AGBL4: variants seen among roughly 807,000 people sequenced by gnomAD.
AGBL4 encodes cytosolic carboxypeptidase 6.
In AGBL4, 58 loss-of-function variants were observed where a neutral mutation model predicts 66.4. That is an observed-to-expected ratio of 0.87 (90% CI 0.71 to 1.09). The LOEUF (loss-of-function observed/expected upper bound fraction) is 1.09, where lower values mean the gene tolerates loss of function less well. Ranked by LOEUF, AGBL4 falls within the 50% of genes least tolerant of loss-of-function variation. The pLI is 0.00. For missense variants in AGBL4, 579 were observed against 631.0 expected (o/e 0.92, Z 0.88); for synonymous variants, 234 against 222.9 (o/e 1.05, Z -0.44).
rs528149636 is a variant in AGBL4, at chr1:48,843,066, G to A, written c.634+24125C>T. ...GTTTAATGAGTGTATGTAGAATTTC[G>A]ATTTTGCAAGGTGAAAAATTCTGAC... On this transcript the variant is annotated intron_variant, in intron 6 of 13. Coordinates refer to ENST00000371839, the MANE Select transcript of AGBL4 (RefSeq NM_032785.4). Among the ~76,000 whole-genome samples, 10 of 152,136 alleles carry A rather than the reference G, an allele frequency of 6.6e-5. No individual in the cohort carries two copies. In the South Asian group the frequency reaches 8.3e-4, roughly 13 times the overall value.
At chr1:49,689,873 C>T (rs1341236904) in intron 3 of AGBL4, among the ~76,000 whole-genome samples, 2 of 152,106 alleles carry the variant, frequency 1.3e-5, no homozygotes, top group Admixed American at 1.3e-4. Flanking sequence ...AGGACTGACT[C>T]CAATTTTGAA....
intron 5 of AGBL4, among the ~76,000 whole-genome samples, chr1:48,995,676 A>G (rs1166508096): frequency 6.6e-6 from 1 of 152,214 alleles, no homozygotes; most frequent in Non-Finnish European, 1.5e-5. Flanking sequence ...AAACTTTCCT[A>G]TGGGAAGAGT....
At chr1:48,619,737 T>C (rs1393775251) in intron 9 of AGBL4, among the ~76,000 whole-genome samples, 4 of 152,162 alleles carry the variant, frequency 2.6e-5, no homozygotes, top group Non-Finnish European at 4.4e-5. Flanking sequence ...TCTGCATAGG[T>C]GGTGCCAGGA....
intron 3 of AGBL4, among the ~76,000 whole-genome samples, chr1:49,648,435 C>G (rs140694696): frequency 7.5e-4 from 114 of 151,246 alleles, no homozygotes; most frequent in African/African-American, 2.7e-3. Flanking sequence ...CAGAATGGAA[C>G]AGAAGAAATA....
At chr1:49,417,375 A>G (rs947789923) in intron 3 of AGBL4, among the ~76,000 whole-genome samples, 10 of 152,174 alleles carry the variant, frequency 6.6e-5, no homozygotes, top group African/African-American at 2.2e-4. Flanking sequence ...CCTGCTGTGG[A>G]GTCCTTTTGC....
chr1:49,319,456 T>A (rs1012736578), intron 3 of AGBL4, among the ~76,000 whole-genome samples: 1 of 152,186 alleles, frequency 6.6e-6, no homozygotes, highest in Non-Finnish European at 1.5e-5. Flanking sequence ...GTGTGGTGAC[T>A]CCACCATTGC....
intron 3 of AGBL4, among the ~76,000 whole-genome samples, chr1:49,615,843 A>G (rs1645240092): frequency 6.6e-6 from 1 of 152,126 alleles, no homozygotes; most frequent in African/African-American, 2.4e-5. Flanking sequence ...ACAAGGAAAT[A>G]TGGCACTTTT....
In AGBL4 at chr1:48,602,445, T is replaced by C. The variant is rs1645087531; in HGVS notation, c.952-11460A>G. ...GTTTTCTCTTTCATTTGGCCTCTAATTGAGGACAGATCTTGTCAGTCTTTC... is the reference window on the plus strand; with the variant it reads ...GTTTTCTCTTTCATTTGGCCTCTAACTGAGGACAGATCTTGTCAGTCTTTC... On this transcript the variant is annotated intron_variant, in intron 9 of 13. Transcript: ENST00000371839. 2.0e-5 allele frequency among the ~76,000 whole-genome samples: 3 copies of C among 152,304 alleles called. 1 individual carries two copies. Among genetic ancestry groups the C allele is most frequent in the Non-Finnish European group, 1.5e-5 (1 of 68,016 alleles).
At chr1:49,890,463 G>C (rs911407939) in intron 1 of AGBL4, among the ~76,000 whole-genome samples, 2 of 150,914 alleles carry the variant, frequency 1.3e-5, no homozygotes, top group Non-Finnish European at 3.0e-5. Flanking sequence ...ACATGGAGGA[G>C]AAAAAAAAAG....
At chr1:48,679,174 G>A (rs1011530611) in intron 6 of AGBL4, among the ~76,000 whole-genome samples, 7 of 152,212 alleles carry the variant, frequency 4.6e-5, no homozygotes, top group Non-Finnish European at 7.3e-5. Context: ...TGATTTTAGG[G>A]TAACATTTGT....
At chr1:49,898,285 T>C (rs1251169578) in intron 1 of AGBL4, among the ~76,000 whole-genome samples, 1 of 151,946 alleles carries the variant, frequency 6.6e-6, no homozygotes, top group Non-Finnish European at 1.5e-5. Flanking sequence ...AGCTAGTAAT[T>C]CAATTTAAAA....
At chr1:49,935,526 A>G (rs572099647) in intron 1 of AGBL4, among the ~76,000 whole-genome samples, 1 of 151,992 alleles carries the variant, frequency 6.6e-6, no homozygotes, top group South Asian at 2.1e-4. Context: ...CGGGCAGACT[A>G]CCTCCTCAAG....
chr1:49,839,706 A>T (rs1021579922), intron 2 of AGBL4, among the ~76,000 whole-genome samples: 9 of 152,340 alleles, frequency 5.9e-5, no homozygotes, highest in Admixed American at 5.9e-4. Context: ...ACCCATGTTG[A>T]GGACCTTATA....
chr1:48,601,820 G>T (rs984987721), intron 9 of AGBL4, among the ~76,000 whole-genome samples: 1 of 151,898 alleles, frequency 6.6e-6, no homozygotes, highest in South Asian at 2.1e-4. Context: ...CCTCAACTTG[G>T]GAAGTCATCC....
At chr1:48,788,652 T>C (rs2148726698) in intron 6 of AGBL4, among the ~76,000 whole-genome samples, 1 of 152,368 alleles carries the variant, frequency 6.6e-6, no homozygotes. Flanking sequence ...TCTCTTTTTG[T>C]CTCCTTGCAT....
At chr1:49,671,930 T>G (rs1286183471) in intron 3 of AGBL4, among the ~76,000 whole-genome samples, 1 of 152,108 alleles carries the variant, frequency 6.6e-6, no homozygotes, top group Non-Finnish European at 1.5e-5. Flanking sequence ...AGTATGGCAA[T>G]TCCTCAAAGA....
At chr1:49,041,006 G>C (rs776595147) in intron 5 of AGBL4, among the ~76,000 whole-genome samples, 4 of 151,940 alleles carry the variant, frequency 2.6e-5, no homozygotes, top group African/African-American at 9.7e-5. Context: ...GGCAGATCAC[G>C]GTTTTAAATA....
At chr1:48,987,573 T>C (rs1386168107) in intron 5 of AGBL4, among the ~76,000 whole-genome samples, 1 of 152,108 alleles carries the variant, frequency 6.6e-6, no homozygotes, top group African/African-American at 2.4e-5. Context: ...ATTTCAATAC[T>C]TCACTCTCAA....
At chr1:48,570,024 C>T (rs1644534109) in intron 11 of AGBL4, among the ~76,000 whole-genome samples, 1 of 152,204 alleles carries the variant, frequency 6.6e-6, no homozygotes, top group Non-Finnish European at 1.5e-5. Context: ...AGATGCCCTG[C>T]CATCCTGGTA....
Sources: gnomAD v4.1 joint callset for allele counts (sites outside exome capture counted in the v4.1 genomes callset) on GRCh38, gnomAD v4.1.1 for gene constraint, MANE v1.5 for transcripts, NCBI Gene and HGNC (gene_info 2026-07-23, HGNC 2026-07-21) for gene names.